The following PARL variants were observed in gnomAD, a reference collection of about 807,000 sequenced individuals.
The protein encoded by PARL is presenilin-associated rhomboid-like protein, mitochondrial.
A neutral mutation model predicts 51.6 loss-of-function variants in PARL; 44 were observed. The ratio of observed to expected loss-of-function variants is 0.85; its 90% CI spans 0.67 to 1.10. The LOEUF (loss-of-function observed/expected upper bound fraction) is 1.10, where lower values mean the gene tolerates loss of function less well. PARL is among the 50% of genes least tolerant of loss of function. The probability of loss-of-function intolerance (pLI) is 0.00; values close to 1 mark genes in which losing one functional copy is unlikely to be tolerated. For missense variants in PARL, 441 were observed against 469.5 expected (o/e 0.94, Z 0.56); for synonymous variants, 172 against 164.0 (o/e 1.05, Z -0.37).
intron 4 of PARL, among the ~76,000 whole-genome samples, chr3:183,860,789 C>T (rs1348620548): frequency 2.0e-5 from 3 of 151,406 alleles, no homozygotes; most frequent in Non-Finnish European, 1.5e-5. Flanking sequence ...AACCTTGCCA[C>T]CCTAAAGAAA....
chr3:183,843,208 A>G, intron 5 of PARL: 1 of 985,126 alleles, frequency 1.0e-6, no homozygotes, highest in Non-Finnish European at 1.2e-6. Context: ...TAAAAGTGAC[A>G]AAAAGCTGTC....
At chr3:183,853,897 A>G (rs948267651) in intron 4 of PARL, among the ~76,000 whole-genome samples, 1 of 152,190 alleles carries the variant, frequency 6.6e-6, no homozygotes, top group African/African-American at 2.4e-5. Context: ...TCAAAAAATT[A>G]AAAATACAAT....
chr3:183,828,069 C>G (rs1727559820), downstream of PARL, among the ~76,000 whole-genome samples: 3 of 152,230 alleles, frequency 2.0e-5, no homozygotes, highest in South Asian at 6.2e-4. Context: ...CGTGGGCAAT[C>G]AGGAGGGAGC....
rs749383158 is a variant in PARL at position 183,842,399 on chromosome 3, AAGG to A, written c.653_655del (p.Ser218del). Reference sequence around the variant, plus strand: ...ATACATATTTGCTGCCATGTGAAATAAGGAGAAATGACTGAATGTTGACAGCAA... The same window carrying A: ...ATACATATTTGCTGCCATGTGAAATAAGAAATGACTGAATGTTGACAGCAA... On this transcript the variant is annotated inframe_deletion, in exon 6 of 10. Transcript: ENST00000317096. 19 of 1,613,206 alleles carry A rather than the reference AAGG, an allele frequency of 1.2e-5. No homozygotes were observed. The South Asian group carries it at 2.0e-4, about 17-fold the overall frequency.
intron 4 of PARL, chr3:183,856,583 C>T (rs1348476882): frequency 6.6e-6 from 1 of 152,310 alleles, no homozygotes; most frequent in Non-Finnish European, 1.5e-5. Context: ...GAGAGACTGT[C>T]CATCTTCCAT....
chr3:183,864,959 C>T (rs1732295289), intron 3 of PARL, among the ~76,000 whole-genome samples: 1 of 140,532 alleles, frequency 7.1e-6, no homozygotes. Context: ...AGACACTCAA[C>T]AGCAGGTATT....
At chr3:183,831,321 C>G (rs1727914827) in intron 9 of PARL, among the ~76,000 whole-genome samples, 1 of 152,200 alleles carries the variant, frequency 6.6e-6, no homozygotes, top group Non-Finnish European at 1.5e-5. Flanking sequence ...GAGTCAAATA[C>G]TTTAATTTCA....
intron 4 of PARL, among the ~76,000 whole-genome samples, chr3:183,859,674 C>T (rs1731583802): frequency 6.6e-6 from 1 of 152,118 alleles, no homozygotes; most frequent in African/African-American, 2.4e-5. Flanking sequence ...CAGATGCCAC[C>T]TTAACAATAA....
At chr3:183,867,121 C>T (rs112831262) in intron 2 of PARL, among the ~76,000 whole-genome samples, 1,996 of 152,034 alleles carry the variant, frequency 0.013, 26 homozygotes, top group Middle Eastern at 0.041. Context: ...ATCATGTTGG[C>T]CAGAGGGGTC....
At chr3:183,840,668 T>A in intron 6 of PARL, 28 bp from the exon 7 acceptor site, 1 of 1,135,850 alleles carries the variant, frequency 8.8e-7, no homozygotes, top group Non-Finnish European at 1.3e-6. Context: ...TTACAATAAT[T>A]TAAGTGAGGT....
intron 4 of PARL, among the ~76,000 whole-genome samples, chr3:183,860,815 T>C (rs1731731560): frequency 6.2e-5 from 1 of 16,034 alleles, no homozygotes; most frequent in Non-Finnish European, 1.3e-4. Flanking sequence ...ATTTCGTTAC[T>C]TTTTTTTTTT....
intron 1 of PARL, among the ~76,000 whole-genome samples, chr3:183,876,253 G>A (rs1733786583): frequency 6.6e-6 from 1 of 152,100 alleles, no homozygotes; most frequent in African/African-American, 2.4e-5. Flanking sequence ...CACCGTGTTG[G>A]CCAGGGTGGT....
intron 5 of PARL, chr3:183,843,140 T>C (rs1195430428): frequency 7.7e-6 from 7 of 910,866 alleles, no homozygotes; most frequent in African/African-American, 1.8e-5. Flanking sequence ...TGCCTCAGCC[T>C]CCCCAAGTGC....
chr3:183,851,565 A>G (rs1366224208), intron 4 of PARL, among the ~76,000 whole-genome samples: 1 of 152,206 alleles, frequency 6.6e-6, no homozygotes, highest in Non-Finnish European at 1.5e-5. Context: ...TTAGTCATTA[A>G]GGAAAGGCAA....
chr3:183,870,393 T>C (rs1733051676), intron 1 of PARL, among the ~76,000 whole-genome samples: 1 of 151,700 alleles, frequency 6.6e-6, no homozygotes, highest in Non-Finnish European at 1.5e-5. Context: ...CTTTATCTCA[T>C]ACCTGGATCA....
intron 1 of PARL, 51 bp downstream of exon 1, chr3:183,884,671 C>T: frequency 6.4e-7 from 1 of 1,557,772 alleles, no homozygotes; most frequent in African/African-American, 1.4e-5. Flanking sequence ...GGATACACGG[C>T]CAGAGCTCAG....
At chr3:183,827,580 C>A (rs1343531162), downstream of PARL, among the ~76,000 whole-genome samples, 2 of 152,102 alleles carry the variant, frequency 1.3e-5, no homozygotes, top group Admixed American at 6.6e-5. Context: ...AGTCCAGGGA[C>A]TAAGAAGTGA....
intron 1 of PARL, among the ~76,000 whole-genome samples, chr3:183,873,169 A>G (rs916818865): frequency 3.9e-5 from 6 of 152,202 alleles, no homozygotes; most frequent in African/African-American, 1.4e-4. Context: ...GGGCCAAAAC[A>G]AAGGTGTATC....
chr3:183,839,938 T>C (rs1276730447), intron 7 of PARL, among the ~76,000 whole-genome samples: 1 of 151,568 alleles, frequency 6.6e-6, no homozygotes, highest in African/African-American at 2.4e-5. Flanking sequence ...TCTTGGTATG[T>C]TACCAGGGCT....
Sources: allele counts gnomAD v4.1 joint callset (sites outside exome capture counted in the v4.1 genomes callset), GRCh38; gene constraint gnomAD v4.1.1; transcripts MANE v1.5; gene names NCBI Gene and HGNC (gene_info 2026-07-23, HGNC 2026-07-21).